The following CDC73 variants were observed in gnomAD, a reference collection of about 807,000 sequenced individuals.
CDC73 encodes the protein cell division cycle 73.
A neutral mutation model predicts 83.7 loss-of-function variants in CDC73; 21 were observed. That is an observed-to-expected ratio of 0.25 (90% CI 0.18 to 0.36). The LOEUF is 0.36. Ranked by LOEUF, CDC73 falls within the 10% of genes least tolerant of loss-of-function variation. The pLI is 1.00. For synonymous variants in CDC73, 224 were observed against 212.9 expected (o/e 1.05, Z -0.45); for missense variants, 342 against 653.3 (o/e 0.52, Z 5.19).
At chr1:193,147,783 T>G in intron 7 of CDC73, 84 bp from the exon 8 acceptor site, 1 of 804,118 alleles carries the variant, frequency 1.2e-6, no homozygotes, top group Non-Finnish European at 2.1e-6. Context: ...GAATCGATAG[T>G]AAGATAACTT....
intron 1 of CDC73, among the ~76,000 whole-genome samples, chr1:193,124,038 A>G (rs910336590): frequency 1.3e-5 from 2 of 152,252 alleles, no homozygotes; most frequent in African/African-American, 4.8e-5. Context: ...GTCTTCCAAG[A>G]TGAGTGAACT....
chr1:193,164,295 A>G (rs970069835), intron 10 of CDC73, among the ~76,000 whole-genome samples: 69 of 152,282 alleles, frequency 4.5e-4, no homozygotes, highest in Middle Eastern at 3.4e-3. Context: ...TTTGTTGCCT[A>G]TGGTTGATCA....
chr1:193,201,020 G>A (rs569757054), intron 10 of CDC73, among the ~76,000 whole-genome samples: 2 of 151,782 alleles, frequency 1.3e-5, no homozygotes, highest in Non-Finnish European at 2.9e-5. Flanking sequence ...TTCCAAGAAG[G>A]TCATATTCTA....
intron 11 of CDC73, among the ~76,000 whole-genome samples, chr1:193,211,406 A>G (rs548743779): frequency 7.2e-5 from 11 of 152,096 alleles, no homozygotes; most frequent in Non-Finnish European, 1.5e-4. Flanking sequence ...CAACCTCGGG[A>G]TGTGATTTTA....
intron 15 of CDC73, 22 bp downstream of exon 15, chr1:193,236,378 C>G (rs940147021): frequency 2.2e-6 from 3 of 1,363,636 alleles, no homozygotes; most frequent in Non-Finnish European, 3.2e-6. Flanking sequence ...TTTGTATTTA[C>G]TGTATCCAGT....
At position 193,149,660 on chromosome 1, in the gene CDC73, G is replaced by A. The variant is rs997740637; in HGVS notation, c.829-644G>A. 4.6e-5 allele frequency among the ~76,000 whole-genome samples: 7 copies of A among 151,908 alleles called. 1 individual carries two copies. The highest frequency in any genetic ancestry group is 4.6e-4 in the Admixed American group (7 of 15,246). On this transcript the variant is annotated intron_variant, in intron 8 of 16. Coordinates refer to ENST00000367435, the MANE Select transcript of CDC73 (RefSeq NM_024529.5). ...GGTATTGATAAGTATATTTTATTTGGCATAATATTTGATATAGAATCCTAT... is the reference window on the plus strand; with the variant it reads ...GGTATTGATAAGTATATTTTATTTGACATAATATTTGATATAGAATCCTAT...
chr1:193,233,839 T>A lies in CDC73; in HGVS notation c.1316+685T>A, dbSNP rs370230212. ...TGAATTTAAGTGTCCTTTAACAAAA[T>A]ATTAAGCTGTTTATAATATAAAGTG... On this transcript the variant is annotated intron_variant, in intron 14 of 16. Coordinates refer to ENST00000367435, the MANE Select transcript of CDC73 (RefSeq NM_024529.5). Among the ~76,000 whole-genome samples the A allele has an allele frequency of 1.4e-3, 219 of 152,248 alleles. 1 individual carries two copies. Among genetic ancestry groups the A allele is most frequent in the South Asian group, 7.0e-3 (34 of 4,824 alleles).
intron 10 of CDC73, among the ~76,000 whole-genome samples, chr1:193,185,528 T>C (rs1011427136): frequency 3.9e-5 from 6 of 152,164 alleles, no homozygotes; most frequent in African/African-American, 1.4e-4. Context: ...TACTAAAAGC[T>C]GTTACATATT....
intron 10 of CDC73, among the ~76,000 whole-genome samples, chr1:193,165,391 T>A (rs539430101): frequency 1.3e-5 from 2 of 152,340 alleles, no homozygotes; most frequent in South Asian, 4.1e-4. Flanking sequence ...AATAAAGTAG[T>A]ATCATTGTAA....
In CDC73 at chr1:193,141,833, AAAG is replaced by A. The variant is rs1675911983; in HGVS notation, c.513-14_513-12del. The stretch of plus-strand genomic sequence containing the variant: ...GGAATGCCTGCTGTGAAAATTTAAA[AAAG>A]AAATTGCTTTTAGGTCTTTGTCTGA... On this transcript the variant is annotated splice_polypyrimidine_tract_variant and intron_variant, in intron 6 of 16. Coordinates refer to ENST00000367435, the MANE Select transcript of CDC73 (RefSeq NM_024529.5). 3 of 1,578,690 alleles carry A rather than the reference AAAG, an allele frequency of 1.9e-6. No homozygotes were observed. Among genetic ancestry groups the A allele is most frequent in the Non-Finnish European group, 2.6e-6 (3 of 1,150,342 alleles).
At chr1:193,146,045 G>A (rs1324227707) in intron 7 of CDC73, among the ~76,000 whole-genome samples, 2 of 152,142 alleles carry the variant, frequency 1.3e-5, no homozygotes, top group South Asian at 2.1e-4. Flanking sequence ...TAGTGAGGGA[G>A]GTGAGAGGGG....
Position 193,135,697 on chromosome 1 carries a change from G to A in CDC73, c.423+108G>A, listed in dbSNP as rs10921318. On this transcript the variant is annotated intron_variant, in intron 5 of 16. Coordinates refer to ENST00000367435, the MANE Select transcript of CDC73 (RefSeq NM_024529.5). The stretch of plus-strand genomic sequence containing the variant: ...AGTAACCTGAGGAGCTTTTTTTCTG[G>A]AAAAATTTTTGTGGTAGAAAGAACA... 554,812 of 848,540 alleles carry A rather than the reference G, an allele frequency of 0.65. 184,543 individuals are homozygous for A. The highest frequency in any genetic ancestry group is 0.77 in the South Asian group (47,574 of 62,170). The allele number at this position is 848,540 out of a possible 1,614,324, so 52.6% of individuals were successfully genotyped here.
chr1:193,223,503 G>T (rs955094123), intron 13 of CDC73, among the ~76,000 whole-genome samples: 2 of 152,136 alleles, frequency 1.3e-5, no homozygotes, highest in African/African-American at 4.8e-5. Context: ...TTTCCTTGCA[G>T]TTGTCAAAAT....
At chr1:193,177,590 TG>T (rs1358277721) in intron 10 of CDC73, among the ~76,000 whole-genome samples, 2 of 151,704 alleles carry the variant, frequency 1.3e-5, no homozygotes, top group African/African-American at 4.8e-5. Context: ...TTACTAGCTG[TG>T]TGATCTTAGG....
chr1:193,192,294 T>C (rs1269493347), intron 10 of CDC73, among the ~76,000 whole-genome samples: 2 of 151,958 alleles, frequency 1.3e-5, no homozygotes, highest in Non-Finnish European at 2.9e-5. Context: ...AATACAAAAA[T>C]CAGCCAGACG....
At chr1:193,187,535 A>T (rs1489405059) in intron 10 of CDC73, among the ~76,000 whole-genome samples, 1 of 151,506 alleles carries the variant, frequency 6.6e-6, no homozygotes, top group Non-Finnish European at 1.5e-5. Flanking sequence ...AGGTTTTTTT[A>T]AATTTTTTGT....
At chr1:193,250,638 C>A (rs759434689) in intron 16 of CDC73, 38 bp from the exon 17 acceptor site, 20 of 1,478,678 alleles carry the variant, frequency 1.4e-5, no homozygotes, top group Non-Finnish European at 1.9e-5. Context: ...TTCTAAAATT[C>A]CTATAGTCAT....
At chr1:193,201,838 C>T (rs1677097320) in intron 10 of CDC73, among the ~76,000 whole-genome samples, 1 of 151,578 alleles carries the variant, frequency 6.6e-6, no homozygotes, top group Non-Finnish European at 1.5e-5. Context: ...ACAACTAATT[C>T]AGTAGTTAAT....
rs1218164151 is a variant in CDC73 at position 193,162,228 on chromosome 1, T to C, written c.972+9784T>C. Among the ~76,000 whole-genome samples, 11 of 122,048 alleles carry C rather than the reference T, an allele frequency of 9.0e-5. No homozygotes were observed. The East Asian group carries it at 2.2e-3, about 24-fold the overall frequency. 80.1% of individuals were successfully genotyped at this position (122,048 alleles called of 152,430 possible). On this transcript the variant is annotated intron_variant, in intron 10 of 16. Coordinates refer to ENST00000367435, the MANE Select transcript of CDC73 (RefSeq NM_024529.5). ...ATAATATATATTATATATTATCTAT[T>C]ATATTGTATATAATATATAATAAAT... is the stretch of plus-strand genomic sequence containing the variant.
Sources: allele counts gnomAD v4.1 joint callset (sites outside exome capture counted in the v4.1 genomes callset), GRCh38; gene constraint gnomAD v4.1.1; transcripts MANE v1.5; gene names NCBI Gene and HGNC (gene_info 2026-07-23, HGNC 2026-07-21).